Variants in MALRD1 observed in about 807,000 individuals in gnomAD.
MALRD1 encodes MAM and LDL receptor class A domain containing 1.
In MALRD1, 247 loss-of-function variants were observed where a neutral mutation model predicts 242.1. That is an observed-to-expected ratio of 1.02 (90% CI 0.92 to 1.13). The LOEUF is 1.13. MALRD1 is among the 50% of genes most tolerant of loss of function. The pLI is 0.00. For missense variants in MALRD1, 2,989 were observed against 2,533.1 expected (o/e 1.18, Z -3.86); for synonymous variants, 995 against 866.6 (o/e 1.15, Z -2.60).
chr10:19,470,274 T>C (rs1836431043), intron 29 of MALRD1, among the ~76,000 whole-genome samples: 1 of 152,012 alleles, frequency 6.6e-6, no homozygotes, highest in Non-Finnish European at 1.5e-5. Flanking sequence ...ATGTCAGGAT[T>C]CCCTTCATTT....
At position 19,373,218 on chromosome 10, in the gene MALRD1, AAAT is replaced by A. The variant is rs1250176283; in HGVS notation, c.4442-14307_4442-14305del. Among the ~76,000 whole-genome samples, 90 of 141,744 alleles carry A rather than the reference AAAT, an allele frequency of 6.3e-4. 1 individual carries two copies. Among genetic ancestry groups the A allele is most frequent in the African/African-American group, 2.3e-3 (87 of 37,248 alleles). The allele number at this position is 141,744 out of a possible 152,430, so 93.0% of individuals were successfully genotyped here. A position where few individuals can be genotyped will look rare whatever the true frequency, so the allele number is the denominator to read the frequency against. ...ACGCTAAATACAAAAAAAAAAAAAA[AAAT>A]AAGGGGCCGGGCACGGTGGCTCATG... On this transcript the variant is annotated intron_variant, in intron 26 of 39. Transcript: ENST00000454679.
chr10:19,541,944 A>T (rs1365551688), intron 32 of MALRD1, among the ~76,000 whole-genome samples: 1 of 152,230 alleles, frequency 6.6e-6, no homozygotes, highest in South Asian at 2.1e-4. Context: ...ATTAGGCAGG[A>T]TGGGAAGGTC....
intron 18 of MALRD1, among the ~76,000 whole-genome samples, chr10:19,241,945 A>T (rs1020388106): frequency 6.6e-6 from 1 of 152,096 alleles, no homozygotes; most frequent in Non-Finnish European, 1.5e-5. Context: ...TGTCTTCTTA[A>T]GTTTGTTAAG....
chr10:19,488,938 C>A, intron 29 of MALRD1: 1 of 408,606 alleles, frequency 2.4e-6, no homozygotes. Flanking sequence ...TTATTAAGAT[C>A]CCGTGTACTG....
chr10:19,294,748 C>T (rs1043317296), intron 21 of MALRD1, among the ~76,000 whole-genome samples: 6 of 152,090 alleles, frequency 3.9e-5, no homozygotes, highest in African/African-American at 1.4e-4. Context: ...AAACCATACA[C>T]TGTTAAGAAT....
rs1295168784 is a variant in MALRD1, at chr10:19,491,580, T to C, written c.5093T>C (p.Ile1698Thr). Reference sequence around the variant, plus strand: ...TTTTTGTGCCGGGACAAGAAGTGCATTGCATCCCACCTTCTTTGTGACTAT... The same window carrying C: ...TTTTTGTGCCGGGACAAGAAGTGCACTGCATCCCACCTTCTTTGTGACTAT... ...TDFLCRDKKC[I>T]ASHLLCDYKP... The change falls in exon 30 of 40, where the codon ATT becomes ACT. Residue 1698 changes from isoleucine (I) to threonine (T), a missense_variant. Coordinates refer to ENST00000454679, the MANE Select transcript of MALRD1 (RefSeq NM_001142308.3). 1.3e-6 allele frequency: 2 copies of C among 1,550,134 alleles called. No homozygotes were observed. The highest frequency in any genetic ancestry group is 1.7e-6 in the Non-Finnish European group (2 of 1,146,858).
At chr10:19,060,086 C>T (rs1243314240) in intron 1 of MALRD1, among the ~76,000 whole-genome samples, 1 of 152,200 alleles carries the variant, frequency 6.6e-6, no homozygotes, top group African/African-American at 2.4e-5. Flanking sequence ...TTCCCCATCA[C>T]AACTGCCCAT....
At chr10:19,452,470 T>A (rs1835384854) in intron 29 of MALRD1, among the ~76,000 whole-genome samples, 1 of 152,218 alleles carries the variant, frequency 6.6e-6, no homozygotes, top group Admixed American at 6.5e-5. Flanking sequence ...GGCATCATGT[T>A]GTCAATTATA....
At chr10:19,189,522 C>T (rs1262753282) in intron 14 of MALRD1, among the ~76,000 whole-genome samples, 1 of 151,992 alleles carries the variant, frequency 6.6e-6, no homozygotes, top group Non-Finnish European at 1.5e-5. Flanking sequence ...AAACTATGAA[C>T]CTATATGCTT....
chr10:19,143,344 T>C (rs1432351187), intron 10 of MALRD1, among the ~76,000 whole-genome samples: 2 of 152,294 alleles, frequency 1.3e-5, no homozygotes, highest in South Asian at 2.1e-4. Flanking sequence ...TATGGTACTT[T>C]CCATTTTCAC....
In MALRD1 at chr10:19,513,515, G is replaced by A. The variant is rs754016968; in HGVS notation, c.5320+14869G>A. ...AGCACTTTGGGAGGCCGAGGCGGGC[G>A]GATCACGAGGTCAGGAGATTGAGAC... On this transcript the variant is annotated intron_variant, in intron 31 of 39. Coordinates refer to ENST00000454679, the MANE Select transcript of MALRD1 (RefSeq NM_001142308.3). Among the ~76,000 whole-genome samples, 5 of 151,556 alleles carry A rather than the reference G, an allele frequency of 3.3e-5. No individual in the cohort carries two copies. The East Asian group carries it at 5.9e-4, about 18-fold the overall frequency.
At chr10:19,504,759 T>G (rs937852330) in intron 31 of MALRD1, among the ~76,000 whole-genome samples, 2 of 138,814 alleles carry the variant, frequency 1.4e-5, no homozygotes, top group Non-Finnish European at 3.0e-5. Flanking sequence ...CTCGGCTCAC[T>G]GCAAGCTCCG....
At chr10:19,228,182 G>A (rs867714060) in intron 18 of MALRD1, among the ~76,000 whole-genome samples, 8 of 151,936 alleles carry the variant, frequency 5.3e-5, no homozygotes, top group Non-Finnish European at 1.2e-4. Context: ...CTTGTAAATG[G>A]ATAAACCAGT....
At chr10:19,424,073 G>GA (rs150017776) in intron 28 of MALRD1, among the ~76,000 whole-genome samples, 1 of 152,112 alleles carries the variant, frequency 6.6e-6, no homozygotes, top group African/African-American at 2.4e-5. Flanking sequence ...TCAGTTTAAT[G>GA]AAAAAAATTG....
At chr10:19,278,843 T>C (rs1033664110) in intron 19 of MALRD1, among the ~76,000 whole-genome samples, 2 of 152,140 alleles carry the variant, frequency 1.3e-5, no homozygotes, top group African/African-American at 2.4e-5. Flanking sequence ...AAGCAAATGA[T>C]ATAATAAGCA....
intron 38 of MALRD1, among the ~76,000 whole-genome samples, chr10:19,725,267 G>T (rs1377503813): frequency 6.6e-6 from 1 of 152,152 alleles, no homozygotes; most frequent in South Asian, 2.1e-4. Flanking sequence ...AAGCATGGGG[G>T]TGGTTACCCT....
intron 21 of MALRD1, among the ~76,000 whole-genome samples, chr10:19,312,653 A>G (rs189220378): frequency 6.1e-4 from 93 of 151,356 alleles, no homozygotes; most frequent in African/African-American, 2.2e-3. Flanking sequence ...ACTTTGACTC[A>G]TTTGCAAAAT....
At chr10:19,285,477 C>T (rs1280466426) in intron 21 of MALRD1, among the ~76,000 whole-genome samples, 1 of 151,672 alleles carries the variant, frequency 6.6e-6, no homozygotes, top group Non-Finnish European at 1.5e-5. Context: ...ATATGGCTAG[C>T]CAGTTTTCCC....
chr10:19,192,034 A>G (rs1251258752), intron 14 of MALRD1, among the ~76,000 whole-genome samples: 1 of 152,052 alleles, frequency 6.6e-6, no homozygotes, highest in Non-Finnish European at 1.5e-5. Context: ...AATAAATAAA[A>G]TAAAAAAAAA....
Sources: gnomAD v4.1 joint callset for allele counts (sites outside exome capture counted in the v4.1 genomes callset) on GRCh38, gnomAD v4.1.1 for gene constraint, MANE v1.5 for transcripts, NCBI Gene and HGNC (gene_info 2026-07-23, HGNC 2026-07-21) for gene names.